The following VWA7 variants were observed in gnomAD, a reference collection of about 807,000 sequenced individuals.
The protein encoded by VWA7 is von Willebrand factor A domain-containing protein 7.
In VWA7, 66 loss-of-function variants were observed where a neutral mutation model predicts 83.1. That is an observed-to-expected ratio of 0.79 (90% CI 0.65 to 0.98). VWA7 has a LOEUF of 0.98. Ranked by LOEUF, VWA7 falls within the 50% of genes least tolerant of loss-of-function variation. The pLI is 0.00. For synonymous variants in VWA7, 424 were observed against 488.5 expected (o/e 0.87, Z 1.74); for missense variants, 1,080 against 1,160.2 (o/e 0.93, Z 1.00).
Position 31,773,009 on chromosome 6 carries a change from C to T in VWA7, c.1032G>A (p.Arg344=), listed in dbSNP as rs1191762144. The change falls in exon 7 of 17, where the codon CGG becomes CGA. Residue 344 remains arginine, a synonymous_variant. Transcript: ENST00000375688. The surrounding 1 kb of genome is among the most constrained non-coding windows in gnomAD (Gnocchi z 5.3). The stretch of plus-strand genomic sequence containing the variant: ...GGACAGGCTCCATGGGGCTGCCTCT[C>T]CGCTGCTCCACAAGGTGGCGAGCCT... ...KIQARHLVEQ[R]RGSPMEPVHY... is the part of the protein sequence containing the mutation. The T allele has an allele frequency of 6.5e-7, 1 of 1,533,246 alleles. No individual in the cohort carries two copies. The highest frequency in any genetic ancestry group is 9.0e-7 in the Non-Finnish European group (1 of 1,110,990). 95.0% of individuals were successfully genotyped at this position (1,533,246 alleles called of 1,614,324 possible). A position where few individuals can be genotyped will look rare whatever the true frequency, so the allele number is the denominator to read the frequency against.
chr6:31,769,539 T>C lies in VWA7; in HGVS notation c.1317+136A>G. On this transcript the variant is annotated intron_variant, in intron 9 of 16. Transcript: ENST00000375688. The surrounding 1 kb of genome is among the most constrained non-coding windows in gnomAD (Gnocchi z 4.5). Reference sequence around the variant, plus strand: ...AGGTATCAGGAAATGTTCCACTCATTGTCTGCTTCTCCCACCATATACCAA... The same window carrying C: ...AGGTATCAGGAAATGTTCCACTCATCGTCTGCTTCTCCCACCATATACCAA... The C allele has an allele frequency of 1.3e-6, 1 of 793,818 alleles. No individual in the cohort carries two copies. Among genetic ancestry groups the C allele is most frequent in the Admixed American group, 2.0e-5 (1 of 49,024 alleles). 49.2% of individuals were successfully genotyped at this position (793,818 alleles called of 1,614,324 possible). A position where few individuals can be genotyped will look rare whatever the true frequency, so the allele number is the denominator to read the frequency against.
Position 31,776,746 on chromosome 6 carries a change from C to A in VWA7, c.34G>T (p.Gly12Cys). The A allele has an allele frequency of 6.9e-7, 1 of 1,455,682 alleles. No homozygotes were observed. The highest frequency in any genetic ancestry group is 2.5e-5 in the Admixed American group (1 of 39,252). The allele number at this position is 1,455,682 out of a possible 1,614,324, so 90.2% of individuals were successfully genotyped here. The change falls in exon 2 of 17, where the codon GGC (glycine) becomes TGC (cysteine). Residue 12 changes from glycine (G) to cysteine (C), a missense_variant. Gly to Cys is a radical substitution (Grantham distance 159, BLOSUM62 -3). Transcript: ENST00000375688. The surrounding 1 kb of genome is among the most constrained non-coding windows in gnomAD (Gnocchi z 6.2). ...LPTEVPQSHP[G>C]PSALLLLQLL... ...TGCAGCAGAAGCAACGCTGAGGGGC[C>A]CGGGTGGGATTGGGGGACCTCCGTG...
chr6:31,775,708 C>T lies in VWA7; in HGVS notation c.513+256G>A, dbSNP rs557744873. Among the ~76,000 whole-genome samples, 2 of 152,352 alleles carry T rather than the reference C, an allele frequency of 1.3e-5. No individual in the cohort carries two copies. Among genetic ancestry groups the T allele is most frequent in the East Asian group, 3.9e-4 (2 of 5,188 alleles). On this transcript the variant is annotated intron_variant, in intron 3 of 16. Coordinates refer to ENST00000375688, the MANE Select transcript of VWA7 (RefSeq NM_025258.3). This position sits in a 1 kb window ranked among gnomAD's most constrained non-coding sequence, Gnocchi z 5.9. The stretch of plus-strand genomic sequence containing the variant: ...AGTCCTGCTGCGTGTGCTGCTCCCT[C>T]AGCTCTCTGACCTCGCAGCCTTCCT...
At position 31,769,883 on chromosome 6, in the gene VWA7, G is replaced by C; in HGVS notation, c.1201-92C>G. ...GATGAAGCAGAAGGGAATATGGCCC[G>C]GGAACCCTACAGTGAAGCTAGTGGA... On this transcript the variant is annotated intron_variant, in intron 8 of 16. Transcript: ENST00000375688. The surrounding 1 kb of genome is among the most constrained non-coding windows in gnomAD (Gnocchi z 4.5). 6.7e-7 allele frequency: 1 copy of C among 1,489,016 alleles called. No individual in the cohort carries two copies. Among genetic ancestry groups the C allele is most frequent in the African/African-American group, 1.4e-5 (1 of 72,454 alleles). 92.2% of individuals were successfully genotyped at this position (1,489,016 alleles called of 1,614,324 possible). A position where few individuals can be genotyped will look rare whatever the true frequency, so the allele number is the denominator to read the frequency against.
intron 11 of VWA7, 48 bp downstream of exon 11, chr6:31,767,574 G>C: frequency 6.3e-7 from 1 of 1,599,336 alleles, no homozygotes. Flanking sequence ...ACATCCCCTC[G>C]ATTGTCTATT....
Position 31,775,815 on chromosome 6 carries a change from T to C in VWA7, c.513+149A>G. 2 of 1,339,348 alleles carry C rather than the reference T, an allele frequency of 1.5e-6. No individual in the cohort carries two copies. The highest frequency in any genetic ancestry group is 2.0e-6 in the Non-Finnish European group (2 of 988,828). The allele number at this position is 1,339,348 out of a possible 1,614,324, so 83.0% of individuals were successfully genotyped here. A position where few individuals can be genotyped will look rare whatever the true frequency, so the allele number is the denominator to read the frequency against. ...CACTGCCAGCTTGGAGGTGGGGAAC[T>C]GGGACACAGCCTCGGGGCACCGCGT... On this transcript the variant is annotated intron_variant, in intron 3 of 16. Coordinates refer to ENST00000375688, the MANE Select transcript of VWA7 (RefSeq NM_025258.3). The surrounding 1 kb of genome is among the most constrained non-coding windows in gnomAD (Gnocchi z 5.9).
At chr6:31,772,584 C>CTTTTTTTTTTTTTTT (rs9279415) in intron 7 of VWA7, among the ~76,000 whole-genome samples, 9 of 35,080 alleles carry the variant, frequency 2.6e-4, no homozygotes, top group East Asian at 8.1e-4. Context: ...TCTTTCTTTT[C>CTTTTTTTTTTTTTTT]TTTTTTTTTT....
intron 7 of VWA7, among the ~76,000 whole-genome samples, chr6:31,770,729 TA>T (rs9279414): frequency 0.27 from 38,965 of 145,510 alleles, 6,353 homozygotes; most frequent in Middle Eastern, 0.39. Context: ...TGTGCGTATA[TA>T]AAAAAAAAAA....
At position 31,776,391 on chromosome 6, in the gene VWA7, G is replaced by A. The variant is rs188723515; in HGVS notation, c.235-149C>T. The A allele has an allele frequency of 3.4e-4, 437 of 1,285,112 alleles. 3 individuals carry two copies. The African/African-American group carries it at 5.6e-3, about 16-fold the overall frequency. 79.6% of individuals were successfully genotyped at this position (1,285,112 alleles called of 1,614,324 possible). ...AGTCCCGGACCTTTCTAAGGAGGGGGACTCCTAATTTCAGGACCAAGACTA... is the reference window on the plus strand; with the variant it reads ...AGTCCCGGACCTTTCTAAGGAGGGGAACTCCTAATTTCAGGACCAAGACTA... On this transcript the variant is annotated intron_variant, in intron 2 of 16. Transcript: ENST00000375688. The surrounding 1 kb of genome is among the most constrained non-coding windows in gnomAD (Gnocchi z 6.2).
In VWA7 at chr6:31,769,767, G is replaced by T. The variant is rs781086810; in HGVS notation, c.1225C>A (p.Leu409Ile). ...LQLALLHTPP[L>I]SDIFVFTDAS... ...TCCGTGAAGACAAAGATATCTGAGA[G>T]TGGAGGTGTGTGCAGCAGGGCCAGC... Residue 409 changes from leucine to isoleucine, a missense_variant, in exon 9 of 17, where the codon CTC (leucine) becomes ATC (isoleucine). Coordinates refer to ENST00000375688, the MANE Select transcript of VWA7 (RefSeq NM_025258.3). The surrounding 1 kb of genome is among the most constrained non-coding windows in gnomAD (Gnocchi z 4.5). The T allele has an allele frequency of 1.9e-5, 30 of 1,613,136 alleles. No homozygotes were observed. Among genetic ancestry groups the T allele is most frequent in the Non-Finnish European group, 2.5e-5 (30 of 1,180,040 alleles).
chr6:31,772,008 A>AAG (rs1812227079), intron 7 of VWA7, among the ~76,000 whole-genome samples: 1 of 151,538 alleles, frequency 6.6e-6, no homozygotes, highest in Non-Finnish European at 1.5e-5. Flanking sequence ...AAAAAAAAAA[A>AAG]AAAAAAAAGA....
At position 31,766,681 on chromosome 6, in the gene VWA7, C is replaced by G. The variant is rs1029490631; in HGVS notation, c.1966G>C (p.Val656Leu). ...CCCTCTGGGACCCCTCGAAGGATGA[C>G]GTGGGAGAAATGCGGCTGAGGATCC... ...PGDPQPHFSH[V>L]ILRGVPEGAE... The change falls in exon 14 of 17, where the codon GTC becomes CTC. Residue 656 changes from valine to leucine, a missense_variant. Coordinates refer to ENST00000375688, the MANE Select transcript of VWA7 (RefSeq NM_025258.3). The surrounding 1 kb of genome is among the most constrained non-coding windows in gnomAD (Gnocchi z 4.9). The G allele has an allele frequency of 6.2e-7, 1 of 1,612,712 alleles. No individual in the cohort carries two copies. Among genetic ancestry groups the G allele is most frequent in the African/African-American group, 1.3e-5 (1 of 75,038 alleles).
Position 31,769,279 on chromosome 6 carries a change from A to G in VWA7, c.1318-76T>C. 6.6e-7 allele frequency: 1 copy of G among 1,520,100 alleles called. No individual in the cohort carries two copies. The highest frequency in any genetic ancestry group is 1.2e-5 in the South Asian group (1 of 81,968). The allele number at this position is 1,520,100 out of a possible 1,614,324, so 94.2% of individuals were successfully genotyped here. ...ATTATGAATGAGAATCCCTGTGCTC[A>G]AGCTTTCTCCAGAGCTGATGGTTTG... On this transcript the variant is annotated intron_variant, in intron 9 of 16. Coordinates refer to ENST00000375688, the MANE Select transcript of VWA7 (RefSeq NM_025258.3). The surrounding 1 kb of genome is among the most constrained non-coding windows in gnomAD (Gnocchi z 4.5).
At chr6:31,774,684 C>T (rs917025705) in intron 4 of VWA7, 58 bp from the exon 5 acceptor site, 2 of 1,446,642 alleles carry the variant, frequency 1.4e-6, no homozygotes, top group Admixed American at 4.0e-5. Context: ...CCTTTATCCC[C>T]ACCCACCCAA....
intron 7 of VWA7, chr6:31,771,948 G>A (rs1812215431): frequency 7.5e-6 from 1 of 133,160 alleles, no homozygotes; most frequent in African/African-American, 2.9e-5. Context: ...CCGAGATCGC[G>A]CCATGGCACT....
chr6:31,767,447 C>A lies in VWA7; in HGVS notation c.1704G>T (p.Trp568Cys). ...GTGGAGGGTCATCCATGGTCACCATCCAGAACTGCCCAAAGCGGCGAGTGT... is the reference window on the plus strand; with the variant it reads ...GTGGAGGGTCATCCATGGTCACCATACAGAACTGCCCAAAGCGGCGAGTGT... The part of the protein sequence containing the change: ...LGHTRRFGQF[W>C]MVTMDDPPQT... The change falls in exon 12 of 17, where the codon TGG (tryptophan) becomes TGT (cysteine). Residue 568 changes from tryptophan to cysteine, a missense_variant. Physicochemically the swap from Trp to Cys is radical, Grantham distance 215 (BLOSUM62 -2). Coordinates refer to ENST00000375688, the MANE Select transcript of VWA7 (RefSeq NM_025258.3). The A allele has an allele frequency of 1.2e-6, 2 of 1,613,086 alleles. No homozygotes were observed. The highest frequency in any genetic ancestry group is 1.7e-6 in the Non-Finnish European group (2 of 1,179,944).
chr6:31,772,515 G>C (rs1425493993), intron 7 of VWA7, among the ~76,000 whole-genome samples: 7 of 148,986 alleles, frequency 4.7e-5, no homozygotes, highest in Non-Finnish European at 8.9e-5. Flanking sequence ...GTGCCACCCC[G>C]AGCCCACTTC....
chr6:31,770,024 C>T lies in VWA7; in HGVS notation c.1177G>A (p.Glu393Lys), dbSNP rs1453816910. 5 of 1,612,924 alleles carry T rather than the reference C, an allele frequency of 3.1e-6. No homozygotes were observed. The highest frequency in any genetic ancestry group is 4.2e-6 in the Non-Finnish European group (5 of 1,180,002). Residue 393 changes from glutamate (E) to lysine (K), a missense_variant, in exon 8 of 17, where the codon GAG becomes AAG. Glu to Lys is a moderately conservative substitution (Grantham distance 56). Transcript: ENST00000375688. ...IHALGGGDEP[E>K]MCLSALQLAL... ...ACCTGCAGGGCTGACAGGCACATCT[C>T]AGGCTCGTCTCCACCCCCCAAGGCA...
rs148980666 is a variant in VWA7 at position 31,770,621 on chromosome 6, G to A, written c.1088-508C>T. 2.8e-3 allele frequency among the ~76,000 whole-genome samples: 419 copies of A among 150,908 alleles called. 6 individuals are homozygous for A. Among genetic ancestry groups the A allele is most frequent in the African/African-American group, 9.5e-3 (391 of 41,090 alleles). On this transcript the variant is annotated intron_variant, in intron 7 of 16. Transcript: ENST00000375688. ...TTGTCAGTGCAGGGCGGGGCAGGGC[G>A]GGGCAGGGCAGGGCAGACCTAGGTG...
Sources: allele counts gnomAD v4.1 joint callset (sites outside exome capture counted in the v4.1 genomes callset), GRCh38; gene constraint gnomAD v4.1.1; non-coding constraint Gnocchi (gnomAD v3.1); transcripts MANE v1.5; gene names NCBI Gene and HGNC (gene_info 2026-07-23, HGNC 2026-07-21).